EYA1: variants seen among roughly 807,000 people sequenced by gnomAD.
EYA1 encodes EYA transcriptional coactivator and phosphatase 1.
In EYA1, 16 loss-of-function variants were observed where a neutral mutation model predicts 82.0. That is an observed-to-expected ratio of 0.20 (90% CI 0.13 to 0.30). EYA1 has a LOEUF of 0.30. Ranked by LOEUF, EYA1 falls within the 10% of genes least tolerant of loss-of-function variation. The pLI is 1.00. For missense variants in EYA1, 633 were observed against 730.7 expected, an observed-to-expected ratio of 0.87 and a Z score of 1.54; for synonymous variants, 261 against 264.4, an observed-to-expected ratio of 0.99 and a Z score of 0.12.
At chr8:71,416,063 C>G (rs371311830) in intron 2 of EYA1, among the ~76,000 whole-genome samples, 93 of 152,330 alleles carry the variant, frequency 6.1e-4, no homozygotes, top group African/African-American at 2.1e-3. Context: ...AGGCTGATCT[C>G]TACAGACTCT....
chr8:71,321,695 C>T, intron 6 of EYA1, 39 bp downstream of exon 6: 1 of 1,609,788 alleles, frequency 6.2e-7, no homozygotes, highest in Non-Finnish European at 8.5e-7. Context: ...CACGCATGCC[C>T]ATGCGATAAC....
Position 71,304,436 on chromosome 8 carries a change from T to A in EYA1, c.557-4716A>T, listed in dbSNP as rs765081774. Among the ~76,000 whole-genome samples, 103 of 142,842 alleles carry A rather than the reference T, an allele frequency of 7.2e-4. 17 individuals are homozygous for A. The highest frequency in any genetic ancestry group is 1.2e-3 in the Admixed American group (18 of 14,402). 93.7% of individuals were successfully genotyped at this position (142,842 alleles called of 152,430 possible). ...TTTGTCTGTGAGTTATTTCCCTTTT[T>A]TATGACCATTTCCAAAATATGCCTG... On this transcript the variant is annotated intron_variant, in intron 7 of 17. Coordinates refer to ENST00000340726, the MANE Select transcript of EYA1 (RefSeq NM_000503.6).
intron 2 of EYA1, among the ~76,000 whole-genome samples, chr8:71,377,502 G>A (rs578028614): frequency 6.6e-6 from 1 of 152,080 alleles, no homozygotes; most frequent in Non-Finnish European, 1.5e-5. Context: ...GATTCCAATC[G>A]CAAGGATATT....
At chr8:71,270,753 G>C (rs970610468) in intron 10 of EYA1, among the ~76,000 whole-genome samples, 7 of 152,150 alleles carry the variant, frequency 4.6e-5, no homozygotes, top group African/African-American at 1.7e-4. Flanking sequence ...TGTCTCATTA[G>C]ATGATTACTA....
At chr8:71,267,053 C>T (rs906742678) in intron 11 of EYA1, among the ~76,000 whole-genome samples, 17 of 152,136 alleles carry the variant, frequency 1.1e-4, no homozygotes, top group Admixed American at 9.8e-4. Flanking sequence ...CAATTTGGAC[C>T]CCCATTTTTC....
intron 11 of EYA1, among the ~76,000 whole-genome samples, chr8:71,253,055 C>T (rs1323330422): frequency 2.6e-5 from 4 of 152,016 alleles, no homozygotes; most frequent in African/African-American, 4.8e-5. Flanking sequence ...ATGTAAAGTC[C>T]CTGAAATTTT....
chr8:71,449,000 G>A (rs188200461), intron 2 of EYA1: 87 of 167,860 alleles, frequency 5.2e-4, no homozygotes, highest in African/African-American at 2.0e-3. Context: ...ATGTGCCCTG[G>A]AGTTACGAAT....
At chr8:71,382,106 C>T (rs1828736376) in intron 2 of EYA1, among the ~76,000 whole-genome samples, 1 of 152,118 alleles carries the variant, frequency 6.6e-6, no homozygotes, top group African/African-American at 2.4e-5. Flanking sequence ...TCTGATCTTA[C>T]ATTTGTTAGA....
chr8:71,400,407 G>A (rs762908941), intron 2 of EYA1, among the ~76,000 whole-genome samples: 1 of 151,902 alleles, frequency 6.6e-6, no homozygotes, highest in African/African-American at 2.4e-5. Context: ...TCTGACAAAG[G>A]TCTAATATCC....
chr8:71,221,984 G>A (rs146865911), intron 12 of EYA1, among the ~76,000 whole-genome samples: 1 of 152,196 alleles, frequency 6.6e-6, no homozygotes, highest in Non-Finnish European at 1.5e-5. Flanking sequence ...TGGGAACGGG[G>A]CGAGCATATA....
intron 2 of EYA1, among the ~76,000 whole-genome samples, chr8:71,460,449 T>C (rs1353651564): frequency 6.6e-6 from 1 of 152,166 alleles, no homozygotes; most frequent in African/African-American, 2.4e-5. Flanking sequence ...GGGGAGAATA[T>C]GAAGGCAAGC....
At chr8:71,414,159 T>C (rs1460768449) in intron 2 of EYA1, among the ~76,000 whole-genome samples, 1 of 152,112 alleles carries the variant, frequency 6.6e-6, no homozygotes, top group South Asian at 2.1e-4. Context: ...TATCAATCAA[T>C]AGTTGGATTC....
chr8:71,367,946 T>A (rs1292824760), intron 2 of EYA1, among the ~76,000 whole-genome samples: 1 of 152,222 alleles, frequency 6.6e-6, no homozygotes, highest in African/African-American at 2.4e-5. Flanking sequence ...CATTTTGTGG[T>A]CTTTAGATAC....
chr8:71,204,776 A>G (rs1332148219), intron 17 of EYA1, among the ~76,000 whole-genome samples: 1 of 152,242 alleles, frequency 6.6e-6, no homozygotes, highest in Non-Finnish European at 1.5e-5. Flanking sequence ...AATACTTTTC[A>G]AATTGTAAAG....
At chr8:71,408,371 A>C (rs1363606977) in intron 2 of EYA1, among the ~76,000 whole-genome samples, 1 of 147,792 alleles carries the variant, frequency 6.8e-6, no homozygotes, top group East Asian at 2.0e-4. Context: ...CACACATAAC[A>C]ATATTAACTT....
intron 2 of EYA1, among the ~76,000 whole-genome samples, chr8:71,430,364 ACAGT>A (rs1805530099): frequency 6.6e-6 from 1 of 152,208 alleles, no homozygotes; most frequent in Admixed American, 6.5e-5. Flanking sequence ...TCACACACAG[ACAGT>A]CAGTGGCAGA....
intron 2 of EYA1, among the ~76,000 whole-genome samples, chr8:71,372,100 A>G (rs1253544845): frequency 1.3e-5 from 2 of 152,150 alleles, no homozygotes; most frequent in Non-Finnish European, 2.9e-5. Context: ...GAAAGAGCTC[A>G]ATGATTACCC....
chr8:71,215,579 C>T (rs1385306586), intron 15 of EYA1, 35 bp downstream of exon 15: 1 of 1,608,334 alleles, frequency 6.2e-7, no homozygotes, highest in East Asian at 2.2e-5. Context: ...CGAGCATTGC[C>T]CATTTCCTGG....
intron 12 of EYA1, among the ~76,000 whole-genome samples, chr8:71,220,504 C>T (rs1809758569): frequency 6.6e-6 from 1 of 152,120 alleles, no homozygotes; most frequent in Admixed American, 6.6e-5. Flanking sequence ...TCACAGTAAA[C>T]TAATGGGTAT....
Sources: allele counts gnomAD v4.1 joint callset (sites outside exome capture counted in the v4.1 genomes callset), GRCh38; gene constraint gnomAD v4.1.1; transcripts MANE v1.5; gene names NCBI Gene and HGNC (gene_info 2026-07-23, HGNC 2026-07-21).